Variants in RPA3 observed in about 807,000 individuals in gnomAD.
RPA3 encodes replication protein A3.
RPA3 carries 24 observed loss-of-function variants against 13.7 expected under a neutral mutation model. The observed-to-expected ratio is 1.75, with a 90% confidence interval of 1.27 to 2.46. RPA3 has a LOEUF of 2.46. Ranked by LOEUF, RPA3 falls within the 30% of genes most tolerant of loss-of-function variation. The probability of loss-of-function intolerance (pLI) is 0.00; values close to 1 mark genes in which losing one functional copy is unlikely to be tolerated. For missense variants in RPA3, 183 were observed against 151.0 expected (o/e 1.21, Z -1.11); for synonymous variants, 59 against 51.2 (o/e 1.15, Z -0.65).
rs1784945036 is a variant in RPA3 at position 7,640,610 on chromosome 7, AGTCCG to A, written c.-197_-193del. 8 of 589,218 alleles carry A rather than the reference AGTCCG, an allele frequency of 1.4e-5. No individual in the cohort carries two copies. Among genetic ancestry groups the A allele is most frequent in the Admixed American group, 3.0e-5 (1 of 33,072 alleles). The allele number at this position is 589,218 out of a possible 1,614,324, so 36.5% of individuals were successfully genotyped here. Reference sequence around the variant, plus strand: ...AAAGGGGTGGAGAAGGGGCTGGATGAGTCCGGAAGTGGAGATTGGCTGCTTAGTGA... The same window carrying A: ...AAAGGGGTGGAGAAGGGGCTGGATGAGAAGTGGAGATTGGCTGCTTAGTGA... On this transcript the variant is annotated 5_prime_UTR_variant, in exon 5 of 8. Transcript: ENST00000223129.
chr7:7,677,916 G>A lies in RPA3; in HGVS notation c.-758+7914C>T, dbSNP rs62432575. Among the ~76,000 whole-genome samples the A allele has an allele frequency of 5.8e-3, 877 of 151,536 alleles. 2 individuals are homozygous for A. The highest frequency in any genetic ancestry group is 9.2e-3 in the Non-Finnish European group (627 of 67,832). On this transcript the variant is annotated intron_variant, in intron 4 of 7. Coordinates refer to ENST00000223129, the MANE Select transcript of RPA3 (RefSeq NM_002947.5). ...TCTCGATCTCCTGACCTCGTGATCC[G>A]CCCGCCTCGGCCTCCCAAAGTGCTG...
intron 2 of RPA3, among the ~76,000 whole-genome samples, chr7:7,710,130 T>A (rs1257695423): frequency 6.6e-6 from 1 of 152,210 alleles, no homozygotes; most frequent in African/African-American, 2.4e-5. Flanking sequence ...TCTTTAGTTC[T>A]TTCATTTTTA....
rs28916000 is a variant in RPA3 at position 7,670,670 on chromosome 7, G to A, written c.-758+15160C>T. Among the ~76,000 whole-genome samples, 170 of 152,296 alleles carry A rather than the reference G, an allele frequency of 1.1e-3. 2 individuals are homozygous for A. In the East Asian group the frequency reaches 0.03, roughly 27 times the overall value. On this transcript the variant is annotated intron_variant, in intron 4 of 7. Coordinates refer to ENST00000223129, the MANE Select transcript of RPA3 (RefSeq NM_002947.5). ...TGATACACAAGAGTCTGTTCATCAT[G>A]TTCAGATGTGGTACTCTTGGTCTGG...
chr7:7,684,368 A>AT (rs34916263), intron 4 of RPA3, among the ~76,000 whole-genome samples: 4,589 of 145,974 alleles, frequency 0.031, 113 homozygotes, highest in East Asian at 0.1. Flanking sequence ...TTCCCGGCTA[A>AT]TTTTTTTTTT....
intron 1 of RPA3, among the ~76,000 whole-genome samples, chr7:7,716,332 G>A (rs577343080): frequency 3.9e-5 from 6 of 152,310 alleles, no homozygotes; most frequent in East Asian, 3.9e-4. Flanking sequence ...ACAGGAGCTC[G>A]AAAGAAATTT....
chr7:7,676,281 T>G (rs1432038289), intron 4 of RPA3: 2 of 397,252 alleles, frequency 5.0e-6, no homozygotes, highest in African/African-American at 2.1e-5. Flanking sequence ...CCCCATGAAG[T>G]TATTGAGGGG....
chr7:7,681,653 A>T (rs1779915597), intron 4 of RPA3, among the ~76,000 whole-genome samples: 1 of 152,094 alleles, frequency 6.6e-6, no homozygotes, highest in African/African-American at 2.4e-5. Context: ...ACAAAAACAA[A>T]TTGCAGTTTT....
At chr7:7,697,269 TTCTA>T (rs1780344007) in intron 2 of RPA3, among the ~76,000 whole-genome samples, 1 of 152,372 alleles carries the variant, frequency 6.6e-6, no homozygotes, top group African/African-American at 2.4e-5. Flanking sequence ...GAATGATATC[TTCTA>T]TCTAATTATT....
At chr7:7,667,510 G>A (rs954164663) in intron 4 of RPA3, among the ~76,000 whole-genome samples, 6 of 152,154 alleles carry the variant, frequency 3.9e-5, no homozygotes, top group African/African-American at 1.4e-4. Flanking sequence ...GATGGGCAGA[G>A]GTTGCAGTTT....
At chr7:7,673,363 GCA>G in intron 4 of RPA3, 2 of 1,037,336 alleles carry the variant, frequency 1.9e-6, no homozygotes, top group Non-Finnish European at 2.8e-6. Flanking sequence ...AGCAGCAGCA[GCA>G]GCAGCAATGT....
At chr7:7,694,016 G>A (rs1780244052) in intron 2 of RPA3, among the ~76,000 whole-genome samples, 1 of 152,032 alleles carries the variant, frequency 6.6e-6, no homozygotes, top group African/African-American at 2.4e-5. Context: ...TTGATATAAG[G>A]CAACTGAGTT....
intron 4 of RPA3, among the ~76,000 whole-genome samples, chr7:7,681,498 TG>T (rs138246682): frequency 0.04 from 6,099 of 152,220 alleles, 424 homozygotes; most frequent in African/African-American, 0.14. Context: ...AAATGTCTAG[TG>T]GTGCCGAATA....
At chr7:7,657,856 A>G (rs1048613660) in intron 4 of RPA3, among the ~76,000 whole-genome samples, 6 of 152,252 alleles carry the variant, frequency 3.9e-5, no homozygotes, top group East Asian at 1.9e-4. Flanking sequence ...AAGAAAGTCA[A>G]TGGTAGCTTG....
chr7:7,700,219 A>G (rs1349487151), intron 2 of RPA3, among the ~76,000 whole-genome samples: 3 of 152,186 alleles, frequency 2.0e-5, no homozygotes, highest in Non-Finnish European at 2.9e-5. Context: ...CATAGATGGC[A>G]CTTTCTCCCT....
At chr7:7,646,862 G>C (rs1785107360) in intron 4 of RPA3, among the ~76,000 whole-genome samples, 1 of 152,218 alleles carries the variant, frequency 6.6e-6, no homozygotes, top group Middle Eastern at 3.4e-3. Flanking sequence ...GGGGTTTGGG[G>C]TTTATATGGG....
At chr7:7,693,916 A>G (rs954209197) in intron 2 of RPA3, among the ~76,000 whole-genome samples, 1 of 152,264 alleles carries the variant, frequency 6.6e-6, no homozygotes, top group South Asian at 2.1e-4. Context: ...TAAAATGGCA[A>G]TTATTAAAAA....
intron 4 of RPA3, among the ~76,000 whole-genome samples, chr7:7,678,460 AAT>A (rs545168491): frequency 4.7e-4 from 67 of 142,286 alleles, no homozygotes; most frequent in African/African-American, 1.3e-3. Flanking sequence ...TTATATAATA[AAT>A]ATATATTTAT....
intron 4 of RPA3, among the ~76,000 whole-genome samples, chr7:7,643,337 C>T (rs367915537): frequency 6.6e-6 from 1 of 152,180 alleles, no homozygotes; most frequent in Non-Finnish European, 1.5e-5. Flanking sequence ...AAAACACTTC[C>T]CAAGGCTAAG....
At chr7:7,637,822 G>A (rs1353130987) in intron 7 of RPA3, 42 bp downstream of exon 7, 1 of 1,230,268 alleles carries the variant, frequency 8.1e-7, no homozygotes, top group Non-Finnish European at 1.2e-6. Flanking sequence ...TGTATGTTAT[G>A]TAATTACATA....
Sources: allele counts gnomAD v4.1 joint callset (sites outside exome capture counted in the v4.1 genomes callset), GRCh38; gene constraint gnomAD v4.1.1; transcripts MANE v1.5; gene names NCBI Gene and HGNC (gene_info 2026-07-23, HGNC 2026-07-21).